The following PHACTR3 variants were observed in gnomAD, a reference collection of about 807,000 sequenced individuals.
PHACTR3 encodes the protein phosphatase and actin regulator 3.
PHACTR3 carries 16 observed loss-of-function variants against 66.8 expected under a neutral mutation model. The ratio of observed to expected loss-of-function variants is 0.24; its 90% CI spans 0.16 to 0.36. PHACTR3 has a LOEUF of 0.36. Ranked by LOEUF, PHACTR3 falls within the 10% of genes least tolerant of loss-of-function variation. The probability of loss-of-function intolerance (pLI) is 1.00; values close to 1 mark genes in which losing one functional copy is unlikely to be tolerated. For missense variants in PHACTR3, 647 were observed against 719.9 expected (o/e 0.90, Z 1.16); for synonymous variants, 323 against 292.1 (o/e 1.11, Z -1.08).
chr20:59,785,504 G>A (rs1303809932), intron 7 of PHACTR3, among the ~76,000 whole-genome samples: 3 of 152,174 alleles, frequency 2.0e-5, no homozygotes, highest in African/African-American at 7.2e-5. Flanking sequence ...GGCAGGAGCT[G>A]GGGAGTGGGG....
chr20:59,691,320 A>G (rs987644709), intron 1 of PHACTR3, among the ~76,000 whole-genome samples: 3 of 152,098 alleles, frequency 2.0e-5, no homozygotes, highest in African/African-American at 7.2e-5. Flanking sequence ...ATCAGTCTAG[A>G]ATTTCTTTTG....
chr20:59,688,919 T>C (rs1259150202), intron 1 of PHACTR3, among the ~76,000 whole-genome samples: 1 of 152,166 alleles, frequency 6.6e-6, no homozygotes, highest in African/African-American at 2.4e-5. Flanking sequence ...GGCAACGCTG[T>C]GGTTGTTGGG....
At chr20:59,688,184 C>T (rs948495253) in intron 1 of PHACTR3, among the ~76,000 whole-genome samples, 10 of 152,096 alleles carry the variant, frequency 6.6e-5, no homozygotes, top group African/African-American at 2.4e-4. Context: ...AATTTAGGTG[C>T]AAAAAGTGAG....
At chr20:59,785,615 G>T (rs2040878108) in intron 7 of PHACTR3, among the ~76,000 whole-genome samples, 1 of 152,188 alleles carries the variant, frequency 6.6e-6, no homozygotes, top group African/African-American at 2.4e-5. Flanking sequence ...GACCTGAGTT[G>T]ACTAGAGAGG....
intron 1 of PHACTR3, among the ~76,000 whole-genome samples, chr20:59,701,062 A>C (rs1401898602): frequency 6.6e-6 from 1 of 152,194 alleles, no homozygotes; most frequent in African/African-American, 2.4e-5. Flanking sequence ...AAAATGCTGT[A>C]ATTACATGTG....
At chr20:59,739,702 A>G (rs1321819923) in intron 1 of PHACTR3, among the ~76,000 whole-genome samples, 1 of 152,166 alleles carries the variant, frequency 6.6e-6, no homozygotes, top group Non-Finnish European at 1.5e-5. Flanking sequence ...TTATAATTCA[A>G]GATGAGATTT....
In PHACTR3 at chr20:59,637,082, C is replaced by T. The variant is rs140671185; in HGVS notation, c.118+31950C>T. On this transcript the variant is annotated intron_variant, in intron 1 of 12. Coordinates refer to ENST00000371015, the MANE Select transcript of PHACTR3 (RefSeq NM_080672.5). ...CAAAGCAACCTGCTCCTCAGGCTCC[C>T]TGTGGGGCTGTCTGCCCCAGCTTGC... Among the ~76,000 whole-genome samples, 517 of 152,338 alleles carry T rather than the reference C, an allele frequency of 3.4e-3. 4 individuals are homozygous for T. The highest frequency in any genetic ancestry group is 0.012 in the African/African-American group (482 of 41,570).
chr20:59,788,076 ATTTG>A (rs1336750349), intron 7 of PHACTR3, among the ~76,000 whole-genome samples: 8 of 152,156 alleles, frequency 5.3e-5, no homozygotes, highest in Admixed American at 2.6e-4. Flanking sequence ...ACTGCACCAT[ATTTG>A]TTTGTCTTTT....
At chr20:59,641,373 C>A (rs531999827) in intron 1 of PHACTR3, among the ~76,000 whole-genome samples, 134 of 152,238 alleles carry the variant, frequency 8.8e-4, no homozygotes, top group African/African-American at 3.1e-3. Flanking sequence ...AGCTGAAGAC[C>A]TGAGAGAGCC....
At chr20:59,816,663 C>G (rs2041895497) in intron 8 of PHACTR3, among the ~76,000 whole-genome samples, 1 of 152,170 alleles carries the variant, frequency 6.6e-6, no homozygotes, top group African/African-American at 2.4e-5. Flanking sequence ...ATGTTTTATC[C>G]TCAGTGCCTG....
At chr20:59,784,875 A>G (rs950031810) in intron 7 of PHACTR3, among the ~76,000 whole-genome samples, 3 of 152,194 alleles carry the variant, frequency 2.0e-5, no homozygotes, top group Non-Finnish European at 4.4e-5. Context: ...GCAAGGGCTC[A>G]TTCAATCTTG....
At chr20:59,658,009 T>G (rs2035679157) in intron 1 of PHACTR3, among the ~76,000 whole-genome samples, 1 of 152,198 alleles carries the variant, frequency 6.6e-6, no homozygotes, top group Admixed American at 6.5e-5. Flanking sequence ...ATTCTTTCCC[T>G]CTGCTCTTCA....
chr20:59,700,409 G>C (rs76664315), intron 1 of PHACTR3, among the ~76,000 whole-genome samples: 4,316 of 152,262 alleles, frequency 0.028, 172 homozygotes, highest in African/African-American at 0.092. Context: ...GACTGCAACT[G>C]CAAGACCAAA....
upstream of PHACTR3, among the ~76,000 whole-genome samples, chr20:59,602,509 G>A (rs2033509715): frequency 6.6e-6 from 1 of 151,476 alleles, no homozygotes; most frequent in Non-Finnish European, 1.5e-5. Context: ...TTGATTTAAA[G>A]ACAAATCTTA....
At chr20:59,762,316 T>A (rs1163114831) in intron 4 of PHACTR3, among the ~76,000 whole-genome samples, 1 of 152,274 alleles carries the variant, frequency 6.6e-6, no homozygotes, top group Admixed American at 6.5e-5. Flanking sequence ...AGACTTACCC[T>A]TTACCCTGTG....
intron 7 of PHACTR3, among the ~76,000 whole-genome samples, chr20:59,791,544 G>T (rs763077457): frequency 1.3e-5 from 2 of 152,086 alleles, no homozygotes; most frequent in Non-Finnish European, 2.9e-5. Context: ...CTGCCCAGAG[G>T]AGTGGCTAGA....
intron 11 of PHACTR3, among the ~76,000 whole-genome samples, chr20:59,842,726 T>G (rs1445060340): frequency 6.6e-6 from 1 of 152,196 alleles, no homozygotes; most frequent in African/African-American, 2.4e-5. Flanking sequence ...AAGCTGAAGT[T>G]TACTCATTAT....
At chr20:59,777,616 G>C (rs1249395124) in intron 7 of PHACTR3, among the ~76,000 whole-genome samples, 1 of 152,136 alleles carries the variant, frequency 6.6e-6, no homozygotes, top group Non-Finnish European at 1.5e-5. Flanking sequence ...TTCCTTCCTA[G>C]CTGGGACACA....
At chr20:59,708,310 G>C (rs536179076) in intron 1 of PHACTR3, among the ~76,000 whole-genome samples, 19 of 152,342 alleles carry the variant, frequency 1.2e-4, no homozygotes, top group African/African-American at 4.1e-4. Context: ...TGTTGATCAT[G>C]GGATAGCAAA....
Sources: allele counts gnomAD v4.1 joint callset (sites outside exome capture counted in the v4.1 genomes callset), GRCh38; gene constraint gnomAD v4.1.1; transcripts MANE v1.5; gene names NCBI Gene and HGNC (gene_info 2026-07-23, HGNC 2026-07-21).